The following IL17RA variants were observed in gnomAD, a reference collection of about 807,000 sequenced individuals.
IL17RA encodes the protein interleukin-17 receptor A.
Under a neutral mutation model 50.4 loss-of-function variants are expected in IL17RA, and 34 were observed. That is an observed-to-expected ratio of 0.67 (90% CI 0.51 to 0.90). The LOEUF is 0.90. Ranked by LOEUF, IL17RA falls within the 40% of genes least tolerant of loss-of-function variation. IL17RA has a pLI of 0.00. For missense variants in IL17RA, 1,276 were observed against 1,169.8 expected (o/e 1.09, Z -1.32); for synonymous variants, 585 against 510.4 (o/e 1.15, Z -1.97).
At chr22:17,089,978 G>C (rs909613499) in intron 1 of IL17RA, among the ~76,000 whole-genome samples, 2 of 79,496 alleles carry the variant, frequency 2.5e-5, no homozygotes, top group East Asian at 5.7e-4. Flanking sequence ...AGAAGATCCC[G>C]AACACTTTTT....
rs2061394420 is a variant in IL17RA, at chr22:17,102,217, A to C, written c.677A>C (p.Glu226Ala). The change falls in exon 7 of 13, where the codon GAA (glutamate) becomes GCA (alanine). Residue 226 changes from glutamate (E) to alanine (A), a missense_variant. Physicochemically the swap from Glu to Ala is moderately radical, Grantham distance 107. Transcript: ENST00000319363. Reference sequence around the variant, plus strand: ...CGTGTGAGCTTCACCCTGTGGAACGAATCTACCCATTACCAGATCCTGCTG... The same window carrying C: ...CGTGTGAGCTTCACCCTGTGGAACGCATCTACCCATTACCAGATCCTGCTG... ...QLRVSFTLWN[E>A]STHYQILLTS... 6.2e-7 allele frequency: 1 copy of C among 1,614,050 alleles called. No homozygotes were observed. Among genetic ancestry groups the C allele is most frequent in the South Asian group, 1.1e-5 (1 of 91,090 alleles).
In IL17RA at chr22:17,109,065, G is replaced by A. The variant is rs375421722; in HGVS notation, c.1846G>A (p.Gly616Ser). Residue 616 changes from glycine (G) to serine (S), a missense_variant, in exon 13 of 13, where the codon GGC (glycine) becomes AGC (serine). Physicochemically the swap from Gly to Ser is moderately conservative, Grantham distance 56. Coordinates refer to ENST00000319363, the MANE Select transcript of IL17RA (RefSeq NM_014339.7). Reference sequence around the variant, plus strand: ...GGAGCCACTGCTGCCTCCGGGAACCGGCATCGTGAAGCGGGCGCCCCTGGT... The same window carrying A: ...GGAGCCACTGCTGCCTCCGGGAACCAGCATCGTGAAGCGGGCGCCCCTGGT... ...FEEPLLPPGT[G>S]IVKRAPLVRE... 8 of 1,585,916 alleles carry A rather than the reference G, an allele frequency of 5.0e-6. No individual in the cohort carries two copies. Among genetic ancestry groups the A allele is most frequent in the Admixed American group, 1.7e-5 (1 of 57,600 alleles).
intron 1 of IL17RA, among the ~76,000 whole-genome samples, chr22:17,091,398 C>T (rs1158327599): frequency 3.9e-5 from 6 of 152,202 alleles, no homozygotes; most frequent in South Asian, 2.1e-4. Flanking sequence ...TGTTATTGGC[C>T]GGGCGCCGTA....
At position 17,093,266 on chromosome 22, in the gene IL17RA, G is replaced by A. The variant is rs911575136; in HGVS notation, c.139-3796G>A. On this transcript the variant is annotated intron_variant, in intron 1 of 12. Coordinates refer to ENST00000319363, the MANE Select transcript of IL17RA (RefSeq NM_014339.7). The stretch of plus-strand genomic sequence containing the variant: ...CACTGTATAGGAGGTCAAGCTAATC[G>A]TGAACCTGGCCTATTGGGTGACCTC... 2.6e-5 allele frequency among the ~76,000 whole-genome samples: 4 copies of A among 152,162 alleles called. No homozygotes were observed. In the East Asian group the frequency reaches 5.8e-4, roughly 22 times the overall value.
rs1277164771 is a variant in IL17RA, at chr22:17,102,309, C to G, written c.762+7C>G. 6.2e-7 allele frequency: 1 copy of G among 1,614,152 alleles called. No individual in the cohort carries two copies. Among genetic ancestry groups the G allele is most frequent in the South Asian group, 1.1e-5 (1 of 91,084 alleles). ...CATGCACCACATACCTGCGGTAACT[C>G]TGCTCTTTTTGACCCCTCTAGCATA... is the stretch of plus-strand genomic sequence containing the variant. On this transcript the variant is annotated splice_region_variant and intron_variant, in intron 7 of 12. Transcript: ENST00000319363.
intron 1 of IL17RA, among the ~76,000 whole-genome samples, chr22:17,090,147 C>T (rs1417646264): frequency 2.0e-5 from 3 of 152,114 alleles, no homozygotes; most frequent in East Asian, 1.9e-4. Context: ...CTCAGCCTCC[C>T]GAGTAGCTGG....
At position 17,100,141 on chromosome 22, in the gene IL17RA, T is replaced by TAAA. The variant is rs35718705; in HGVS notation, c.424-196_424-194dup. ...CTACTGATGAGGCCAGATCCAGGTT[T>TAAA]AAAAAAAAAAAAAAAAAAAACAGGC... is the stretch of plus-strand genomic sequence containing the variant. On this transcript the variant is annotated intron_variant, in intron 4 of 12. Coordinates refer to ENST00000319363, the MANE Select transcript of IL17RA (RefSeq NM_014339.7). Among the ~76,000 whole-genome samples the TAAA allele has an allele frequency of 6.0e-4, 73 of 121,532 alleles. 1 individual carries two copies. The highest frequency in any genetic ancestry group is 8.5e-3 in the Middle Eastern group (2 of 236). 79.7% of individuals were successfully genotyped at this position (121,532 alleles called of 152,430 possible). A position where few individuals can be genotyped will look rare whatever the true frequency, so the allele number is the denominator to read the frequency against.
Position 17,113,541 on chromosome 22 carries a change from G to A in IL17RA, c.*3721G>A, listed in dbSNP as rs1423435623. On this transcript the variant is annotated 3_prime_UTR_variant, in exon 13 of 13. Coordinates refer to ENST00000319363, the MANE Select transcript of IL17RA (RefSeq NM_014339.7). ...AAATTAAATAGGGCATAAGAGAGAA[G>A]AAGATGTACTTACAATGCAGTGGGT... The A allele has an allele frequency of 1.3e-5, 2 of 152,396 alleles. No homozygotes were observed. The highest frequency in any genetic ancestry group is 3.9e-4 in the East Asian group (2 of 5,186). 9.4% of individuals were successfully genotyped at this position (152,396 alleles called of 1,614,324 possible).
rs762930594 is a variant in IL17RA at position 17,105,600 on chromosome 22, C to T, written c.941C>T (p.Pro314Leu). The T allele has an allele frequency of 1.3e-5, 21 of 1,613,404 alleles. No individual in the cohort carries two copies. In the Middle Eastern group the frequency reaches 5.0e-4, roughly 38 times the overall value. ...PEMPDTPEPI[P>L]DYMPLWVYWF... ...TCTGTTCTCATTGCAGAACCAATTC[C>T]GGGTAAGCTTGGATCTCTCTCCGAC... Residue 314 changes from proline (P) to leucine (L), a missense_variant and splice_region_variant, in exon 10 of 13, where the codon CCG (proline) becomes CTG (leucine). Physicochemically the swap from Pro to Leu is moderately conservative, Grantham distance 98. Coordinates refer to ENST00000319363, the MANE Select transcript of IL17RA (RefSeq NM_014339.7).
At chr22:17,107,198 T>C (rs1351289240) in intron 11 of IL17RA, among the ~76,000 whole-genome samples, 2 of 152,178 alleles carry the variant, frequency 1.3e-5, no homozygotes, top group Non-Finnish European at 2.9e-5. Context: ...GTGGGGCTGC[T>C]TCTGGAAAGA....
chr22:17,097,167 T>G, intron 2 of IL17RA, 81 bp downstream of exon 2: 3 of 1,349,898 alleles, frequency 2.2e-6, no homozygotes, highest in Non-Finnish European at 3.2e-6. Flanking sequence ...ACAGAAGTCT[T>G]GCCATGCCAC....
In IL17RA at chr22:17,085,170, G is replaced by A. The variant is rs1568914083; in HGVS notation, c.79G>A (p.Ala27Thr). The A allele has an allele frequency of 2.0e-6, 3 of 1,524,322 alleles. No individual in the cohort carries two copies. Among genetic ancestry groups the A allele is most frequent in the Non-Finnish European group, 2.6e-6 (3 of 1,141,530 alleles). 94.4% of individuals were successfully genotyped at this position (1,524,322 alleles called of 1,614,324 possible). The change falls in exon 1 of 13, where the codon GCC becomes ACC. Residue 27 changes from alanine (A) to threonine (T), a missense_variant. Physicochemically the swap from Ala to Thr is moderately conservative, Grantham distance 58 (BLOSUM62 0). Coordinates refer to ENST00000319363, the MANE Select transcript of IL17RA (RefSeq NM_014339.7). ...GLLLLLLGVL[A>T]PGGASLRLLD... ...GCTCCTGCTGCTCCTGGGCGTGCTG[G>A]CCCCGGGTGGCGCCTCCCTGCGACT...
chr22:17,098,626 G>T, intron 3 of IL17RA, 149 bp from the exon 4 acceptor site: 1 of 712,192 alleles, frequency 1.4e-6, no homozygotes, highest in African/African-American at 1.7e-5. Flanking sequence ...GCCAGAGAGT[G>T]AACTGAAAGG....
rs1568918593 is a variant in IL17RA at position 17,097,861 on chromosome 22, G to A, written c.228G>A (p.Leu76=). The A allele has an allele frequency of 3.7e-6, 6 of 1,614,082 alleles. No homozygotes were observed. Among genetic ancestry groups the A allele is most frequent in the South Asian group, 2.2e-5 (2 of 91,088 alleles). Residue 76 remains leucine (L), a synonymous_variant, in exon 3 of 13, where the codon CTG becomes CTA. Transcript: ENST00000319363. ...RNLTPSSPKD[L]QIQLHFAHTQ... ...TGACCCCCTCCTCCCCAAAGGACCT[G>A]CAGATCCAGCTGCACTTTGCCCACA...
Position 17,110,181 on chromosome 22 carries a change from C to T in IL17RA, c.*361C>T, listed in dbSNP as rs1450158642. The T allele has an allele frequency of 1.7e-5, 6 of 348,098 alleles. No individual in the cohort carries two copies. Among genetic ancestry groups the T allele is most frequent in the South Asian group, 9.3e-5 (4 of 42,864 alleles). 21.6% of individuals were successfully genotyped at this position (348,098 alleles called of 1,614,324 possible). On this transcript the variant is annotated 3_prime_UTR_variant, in exon 13 of 13. Transcript: ENST00000319363. ...GGCCCCAGCCATGAAGGAACTTAAC[C>T]GCTAGTGCCGAGGACACGTTAAACG...
chr22:17,102,320 G>T lies in IL17RA; in HGVS notation c.762+18G>T. ...TACCTGCGGTAACTCTGCTCTTTTT[G>T]ACCCCTCTAGCATAGCTCAGGACCA... On this transcript the variant is annotated intron_variant, in intron 7 of 12. Transcript: ENST00000319363. The T allele has an allele frequency of 6.2e-7, 1 of 1,613,852 alleles. No homozygotes were observed. The highest frequency in any genetic ancestry group is 1.1e-5 in the South Asian group (1 of 91,058).
intron 4 of IL17RA, among the ~76,000 whole-genome samples, chr22:17,100,067 G>A (rs1324237025): frequency 1.3e-5 from 2 of 150,394 alleles, no homozygotes; most frequent in Admixed American, 1.4e-4. Flanking sequence ...CAGGTGGGAG[G>A]GGTGGGACTA....
intron 1 of IL17RA, among the ~76,000 whole-genome samples, chr22:17,096,165 C>T (rs2061367535): frequency 6.6e-6 from 1 of 152,110 alleles, no homozygotes; most frequent in African/African-American, 2.4e-5. Context: ...GTTACATTTC[C>T]CTGGTAGCAT....
intron 1 of IL17RA, among the ~76,000 whole-genome samples, chr22:17,088,867 C>T (rs1601335175): frequency 6.6e-6 from 1 of 152,012 alleles, no homozygotes; most frequent in Non-Finnish European, 1.5e-5. Context: ...GCGATCTCAG[C>T]TCACTGCAAC....
Sources: allele counts gnomAD v4.1 joint callset (sites outside exome capture counted in the v4.1 genomes callset), GRCh38; gene constraint gnomAD v4.1.1; transcripts MANE v1.5; gene names NCBI Gene and HGNC (gene_info 2026-07-23, HGNC 2026-07-21).